Variants in NIPBL observed in about 807,000 individuals in gnomAD.
NIPBL encodes the protein NIPBL cohesin loading factor.
A neutral mutation model predicts 321.8 loss-of-function variants in NIPBL; 19 were observed. The observed-to-expected ratio is 0.06, with a 90% CI of 0.04 to 0.09. The LOEUF is 0.09. NIPBL is among the 10% of genes least tolerant of loss of function. The pLI, the probability that NIPBL is intolerant of heterozygous loss-of-function variation, is 1.00. For synonymous variants in NIPBL, 1,106 were observed against 1,114.1 expected, an observed-to-expected ratio of 0.99 and a Z score of 0.14; for missense variants, 2,210 against 3,327.0, an observed-to-expected ratio of 0.66 and a Z score of 8.26.
chr5:37,004,282 G>T (rs1026623442), intron 16 of NIPBL, among the ~76,000 whole-genome samples: 6 of 152,108 alleles, frequency 3.9e-5, no homozygotes, highest in African/African-American at 1.2e-4. Flanking sequence ...CATTGTAGTG[G>T]ACTATGAATT....
chr5:37,041,264 T>TG, intron 34 of NIPBL, among the ~76,000 whole-genome samples: 1 of 125,112 alleles, frequency 8.0e-6, no homozygotes, highest in Non-Finnish European at 1.7e-5. Flanking sequence ...TTTTTTTTTT[T>TG]TTTTTTTTTT....
chr5:37,003,123 G>A (rs1212730512), intron 15 of NIPBL, 138 bp from the exon 16 acceptor site: 3 of 566,234 alleles, frequency 5.3e-6, no homozygotes, highest in Admixed American at 6.4e-5. Flanking sequence ...AGTTCTAAGT[G>A]GGAAAGTTTT....
intron 34 of NIPBL, among the ~76,000 whole-genome samples, chr5:37,041,852 A>G (rs1234689294): frequency 6.7e-5 from 10 of 148,956 alleles, no homozygotes; most frequent in Admixed American, 1.3e-4. Context: ...GGCGTGAGCC[A>G]CTGTGCCCAG....
intron 34 of NIPBL, among the ~76,000 whole-genome samples, chr5:37,040,852 C>A (rs34066351): frequency 0.16 from 24,171 of 152,106 alleles, 2,343 homozygotes; most frequent in East Asian, 0.31. Context: ...ATTTAGTATT[C>A]TTTGCCAGTC....
At chr5:36,914,938 C>T (rs1306097989) in intron 1 of NIPBL, among the ~76,000 whole-genome samples, 1 of 152,014 alleles carries the variant, frequency 6.6e-6, no homozygotes, top group Non-Finnish European at 1.5e-5. Context: ...CTATTTTAAC[C>T]TGAAACTTTT....
chr5:36,997,760 T>G (rs1379801939), intron 11 of NIPBL, among the ~76,000 whole-genome samples: 8 of 152,154 alleles, frequency 5.3e-5, no homozygotes, highest in African/African-American at 1.7e-4. Flanking sequence ...TCCAAATGAT[T>G]GTTCACATAA....
At chr5:36,972,343 G>C (rs969843680) in intron 8 of NIPBL, among the ~76,000 whole-genome samples, 34 of 151,902 alleles carry the variant, frequency 2.2e-4, no homozygotes, top group African/African-American at 7.7e-4. Flanking sequence ...TTAAACATTT[G>C]AAAATTTTGA....
chr5:37,033,705 C>CATAT (rs1270053859), intron 32 of NIPBL, among the ~76,000 whole-genome samples: 1 of 80,266 alleles, frequency 1.2e-5, no homozygotes, highest in East Asian at 3.7e-4. Flanking sequence ...CACACACACA[C>CATAT]ATATATATAT....
At chr5:37,061,587 G>A (rs1754680897) in intron 45 of NIPBL, among the ~76,000 whole-genome samples, 2 of 152,128 alleles carry the variant, frequency 1.3e-5, no homozygotes, top group Non-Finnish European at 2.9e-5. Context: ...GCTGAGGCAG[G>A]AGAAGTGCTT....
At chr5:37,020,111 A>G (rs1262516864) in intron 25 of NIPBL, among the ~76,000 whole-genome samples, 2 of 152,162 alleles carry the variant, frequency 1.3e-5, no homozygotes, top group Admixed American at 6.5e-5. Flanking sequence ...GCATTTTATC[A>G]ATTTGTTTTA....
At chr5:36,991,121 T>G (rs1745461964) in intron 10 of NIPBL, among the ~76,000 whole-genome samples, 1 of 152,212 alleles carries the variant, frequency 6.6e-6, no homozygotes, top group Admixed American at 6.5e-5. Context: ...GTCTTGCCTA[T>G]AAAAATATTA....
At chr5:36,915,291 T>C (rs1748374256) in intron 1 of NIPBL, among the ~76,000 whole-genome samples, 1 of 152,148 alleles carries the variant, frequency 6.6e-6, no homozygotes, top group African/African-American at 2.4e-5. Context: ...ATTAAAAATT[T>C]TAATAGAACC....
At chr5:36,877,667 C>G (rs1208443959) in intron 1 of NIPBL, among the ~76,000 whole-genome samples, 1 of 152,214 alleles carries the variant, frequency 6.6e-6, no homozygotes, top group Non-Finnish European at 1.5e-5. Flanking sequence ...CCCTTCTTCC[C>G]CCTGTGACCC....
intron 1 of NIPBL, among the ~76,000 whole-genome samples, chr5:36,934,986 C>G (rs1750051796): frequency 2.0e-5 from 3 of 152,098 alleles, no homozygotes; most frequent in Non-Finnish European, 4.4e-5. Flanking sequence ...TGTTTCTCTT[C>G]TCTTCAGTGT....
At chr5:37,023,882 TAGGCC>T (rs1486800898) in intron 29 of NIPBL, among the ~76,000 whole-genome samples, 4 of 151,364 alleles carry the variant, frequency 2.6e-5, no homozygotes, top group Non-Finnish European at 5.9e-5. Context: ...AACCATAAGA[TAGGCC>T]AGGCGCAGTG....
At chr5:36,925,598 G>C (rs1749298445) in intron 1 of NIPBL, among the ~76,000 whole-genome samples, 1 of 152,060 alleles carries the variant, frequency 6.6e-6, no homozygotes, top group Non-Finnish European at 1.5e-5. Flanking sequence ...CTCTGAGGTA[G>C]GCACTATTAT....
At position 36,951,457 on chromosome 5, in the gene NIPBL, A is replaced by G. The variant is rs571395262; in HGVS notation, c.-79-2161A>G. On this transcript the variant is annotated intron_variant, in intron 1 of 46. Transcript: ENST00000282516. ...CAGTGAGTTGTATATGAATAACAAG[A>G]TATTTTTGTGATCTGTAATTTTCAT... Among the ~76,000 whole-genome samples, 7 of 152,294 alleles carry G rather than the reference A, an allele frequency of 4.6e-5. No homozygotes were observed. The East Asian group carries it at 9.6e-4, about 21-fold the overall frequency.
intron 8 of NIPBL, among the ~76,000 whole-genome samples, chr5:36,973,499 G>A (rs535946064): frequency 4.6e-5 from 7 of 151,772 alleles, no homozygotes; most frequent in South Asian, 2.1e-4. Flanking sequence ...ACAGAGTCTC[G>A]CACTGTCACC....
intron 42 of NIPBL, among the ~76,000 whole-genome samples, chr5:37,054,613 G>A (rs1478698341): frequency 3.9e-5 from 6 of 152,144 alleles, no homozygotes; most frequent in Non-Finnish European, 5.9e-5. Flanking sequence ...TTGACTAGAT[G>A]TTTTGTCATC....
Sources: allele counts gnomAD v4.1 joint callset (sites outside exome capture counted in the v4.1 genomes callset), GRCh38; gene constraint gnomAD v4.1.1; transcripts MANE v1.5; gene names NCBI Gene and HGNC (gene_info 2026-07-23, HGNC 2026-07-21).